Variants in CFAP44 observed in about 807,000 individuals in gnomAD.
CFAP44 encodes the protein cilia- and flagella-associated protein 44.
In CFAP44, 134 loss-of-function variants were observed where a neutral mutation model predicts 216.2. The observed-to-expected ratio is 0.62, with a 90% confidence interval of 0.54 to 0.72. The LOEUF (loss-of-function observed/expected upper bound fraction) is 0.72. Ranked by LOEUF, CFAP44 falls within the 30% of genes least tolerant of loss-of-function variation. CFAP44 has a pLI of 0.00. For synonymous variants in CFAP44, 700 were observed against 727.6 expected (o/e 0.96, Z 0.61); for missense variants, 2,035 against 2,182.1 (o/e 0.93, Z 1.34).
chr3:113,406,574 A>C (rs1934286533), intron 8 of CFAP44, among the ~76,000 whole-genome samples: 1 of 151,792 alleles, frequency 6.6e-6, no homozygotes, highest in South Asian at 2.1e-4. Flanking sequence ...CAGTGAGCGG[A>C]GATCGCGCCA....
intron 1 of CFAP44, among the ~76,000 whole-genome samples, chr3:113,440,359 C>CCTA (rs1935332623): frequency 6.6e-6 from 1 of 152,046 alleles, no homozygotes; most frequent in South Asian, 2.1e-4. Flanking sequence ...CCGCGCACAG[C>CCTA]CTATTATTAT....
intron 6 of CFAP44, among the ~76,000 whole-genome samples, chr3:113,414,881 G>A (rs1193181948): frequency 6.6e-6 from 1 of 152,146 alleles, no homozygotes; most frequent in Non-Finnish European, 1.5e-5. Context: ...TTCGTAAAAT[G>A]AGTTAGGAAG....
intron 18 of CFAP44, among the ~76,000 whole-genome samples, chr3:113,370,938 A>T (rs1483398017): frequency 6.7e-6 from 1 of 150,250 alleles, no homozygotes; most frequent in Non-Finnish European, 1.5e-5. Context: ...CAGCAGTAAC[A>T]GACAAAGAGA....
rs553650197 is a variant in CFAP44, at chr3:113,383,186, T to C, written c.1891-2126A>G. 2.6e-5 allele frequency among the ~76,000 whole-genome samples: 4 copies of C among 152,346 alleles called. No homozygotes were observed. In the South Asian group the frequency reaches 8.3e-4, roughly 32 times the overall value. On this transcript the variant is annotated intron_variant, in intron 15 of 34. Transcript: ENST00000393845. ...GAAGAATGTTATTGATCCTTGTTTG[T>C]CTTAGTCAGTTCAGGCTTCTATAAT...
rs7650980 is a variant in CFAP44, at chr3:113,419,059, A to G, written c.570+958T>C. On this transcript the variant is annotated intron_variant, in intron 5 of 34. Transcript: ENST00000393845. ...CTGACTACTGTCCTCAAACCAAATTATTTTATAACAAAATATTAAAATAGA... is the reference window on the plus strand; with the variant it reads ...CTGACTACTGTCCTCAAACCAAATTGTTTTATAACAAAATATTAAAATAGA... Among the ~76,000 whole-genome samples, 1,311 of 152,308 alleles carry G rather than the reference A, an allele frequency of 8.6e-3. 17 individuals are homozygous for G. The highest frequency in any genetic ancestry group is 0.021 in the African/African-American group (886 of 41,570).
At chr3:113,368,849 T>C (rs1933048722) in intron 18 of CFAP44, among the ~76,000 whole-genome samples, 1 of 152,146 alleles carries the variant, frequency 6.6e-6, no homozygotes, top group South Asian at 2.1e-4. Flanking sequence ...GAGACCCATC[T>C]CACTTACAGA....
rs1321235500 is a variant in CFAP44 at position 113,352,797 on chromosome 3, G to A, written c.3065+5948C>T. 2.6e-5 allele frequency among the ~76,000 whole-genome samples: 4 copies of A among 152,240 alleles called. No individual in the cohort carries two copies. The East Asian group carries it at 7.7e-4, about 29-fold the overall frequency. ...TGCTGAACCCCACCAATAATAAAAA[G>A]GATGCAGATTATTCAACCAAGAGTT... On this transcript the variant is annotated intron_variant, in intron 22 of 34. Transcript: ENST00000393845.
At chr3:113,334,914 A>G (rs893881867) in intron 24 of CFAP44, among the ~76,000 whole-genome samples, 3 of 152,256 alleles carry the variant, frequency 2.0e-5, no homozygotes, top group Non-Finnish European at 2.9e-5. Flanking sequence ...CTACTAGCCA[A>G]CATGAGCGTG....
intron 7 of CFAP44, 99 bp downstream of exon 7, chr3:113,409,006 CA>C (rs56301009): frequency 0.18 from 56,809 of 316,736 alleles, 770 homozygotes; most frequent in African/African-American, 0.23. Context: ...ACCAAAACAG[CA>C]AAAAAAAAAA....
intron 25 of CFAP44, among the ~76,000 whole-genome samples, chr3:113,331,539 A>G (rs1297983677): frequency 6.6e-6 from 1 of 152,190 alleles, no homozygotes; most frequent in Non-Finnish European, 1.5e-5. Context: ...AGAAAACTGT[A>G]TCAAGATAGA....
chr3:113,401,789 T>C (rs549434629), intron 9 of CFAP44, 50 bp from the exon 10 acceptor site: 1 of 1,527,966 alleles, frequency 6.5e-7, no homozygotes, highest in East Asian at 2.3e-5. Context: ...TTTCTGAACA[T>C]TTATTTTCTA....
At chr3:113,406,556 A>G (rs1027978797) in intron 8 of CFAP44, among the ~76,000 whole-genome samples, 2 of 151,814 alleles carry the variant, frequency 1.3e-5, no homozygotes, top group Admixed American at 6.6e-5. Context: ...CCCGGGAGGC[A>G]GAGCTTGCAG....
chr3:113,346,864 G>C (rs7621337), intron 22 of CFAP44, among the ~76,000 whole-genome samples: 13,898 of 152,146 alleles, frequency 0.091, 841 homozygotes, highest in African/African-American at 0.16. Context: ...TGGAAGCTTT[G>C]TTTTTTTGCT....
At chr3:113,386,585 G>A (rs1032998477) in intron 15 of CFAP44, among the ~76,000 whole-genome samples, 8 of 152,150 alleles carry the variant, frequency 5.3e-5, no homozygotes, top group African/African-American at 1.7e-4. Context: ...CTGAACTACT[G>A]AAGGGCAAGG....
At chr3:113,398,897 T>C (rs1194903269) in intron 13 of CFAP44, among the ~76,000 whole-genome samples, 1 of 152,190 alleles carries the variant, frequency 6.6e-6, no homozygotes, top group Non-Finnish European at 1.5e-5. Flanking sequence ...TGATTCTGTA[T>C]GGGGCTTGTG....
intron 21 of CFAP44, chr3:113,362,924 T>A: frequency 7.8e-7 from 1 of 1,282,950 alleles, no homozygotes; most frequent in Non-Finnish European, 9.8e-7. Flanking sequence ...TAACAACAGT[T>A]GATGTAAAAC....
intron 34 of CFAP44, among the ~76,000 whole-genome samples, chr3:113,292,215 T>C (rs1949836468): frequency 6.6e-6 from 1 of 152,210 alleles, no homozygotes; most frequent in Non-Finnish European, 1.5e-5. Flanking sequence ...CTTTCTGTTT[T>C]ATCGAAACAT....
chr3:113,324,925 C>T (rs944900662), intron 28 of CFAP44, among the ~76,000 whole-genome samples: 4 of 152,074 alleles, frequency 2.6e-5, no homozygotes, highest in South Asian at 2.1e-4. Flanking sequence ...AGTAAGGTTA[C>T]GGGATATCAG....
intron 1 of CFAP44, among the ~76,000 whole-genome samples, chr3:113,434,264 T>TG (rs1435826981): frequency 2.0e-5 from 3 of 151,912 alleles, no homozygotes; most frequent in Non-Finnish European, 4.4e-5. Flanking sequence ...TAAAACATGA[T>TG]GGGGGGTTAG....
Sources: allele counts gnomAD v4.1 joint callset (sites outside exome capture counted in the v4.1 genomes callset), GRCh38; gene constraint gnomAD v4.1.1; transcripts MANE v1.5; gene names NCBI Gene and HGNC (gene_info 2026-07-23, HGNC 2026-07-21).